ORC3: variants seen among roughly 807,000 people sequenced by gnomAD.
ORC3 encodes homolog of latheo, Drosophila.
In ORC3, 78 loss-of-function variants were observed where a neutral mutation model predicts 100.7. That is an observed-to-expected ratio of 0.77 (90% CI 0.65 to 0.94). The LOEUF (loss-of-function observed/expected upper bound fraction) is 0.94, where lower values mean the gene tolerates loss of function less well. ORC3 is among the 40% of genes least tolerant of loss of function. The probability of loss-of-function intolerance (pLI) is 0.00; values close to 1 mark genes in which losing one functional copy is unlikely to be tolerated. For synonymous variants in ORC3, 295 were observed against 289.3 expected, an observed-to-expected ratio of 1.02 and a Z score of -0.20; for missense variants, 789 against 823.9, an observed-to-expected ratio of 0.96 and a Z score of 0.52.
At chr6:87,626,851 T>C (rs1779937529) in intron 11 of ORC3, among the ~76,000 whole-genome samples, 2 of 151,382 alleles carry the variant, frequency 1.3e-5, no homozygotes, top group African/African-American at 4.9e-5. Context: ...TTAGTGATAA[T>C]CAAAGTTTGT....
At chr6:87,624,430 G>T (rs1779746198) in intron 11 of ORC3, among the ~76,000 whole-genome samples, 1 of 152,150 alleles carries the variant, frequency 6.6e-6, no homozygotes, top group South Asian at 2.1e-4. Context: ...GTTGCAGTGA[G>T]CCAAGATCAT....
chr6:87,596,030 A>G (rs1354612870), intron 2 of ORC3, among the ~76,000 whole-genome samples: 1 of 151,470 alleles, frequency 6.6e-6, no homozygotes, highest in Non-Finnish European at 1.5e-5. Context: ...TTGTAGAGAC[A>G]GGGTCTCACT....
At chr6:87,590,242 T>C in intron 1 of ORC3, 50 bp downstream of exon 1, 2 of 1,588,544 alleles carry the variant, frequency 1.3e-6, no homozygotes, top group Non-Finnish European at 1.7e-6. Flanking sequence ...CTCATTCCCC[T>C]TTGAAGAAGG....
At chr6:87,594,305 T>G in intron 1 of ORC3, 48 bp from the exon 2 acceptor site, 1 of 1,384,650 alleles carries the variant, frequency 7.2e-7, no homozygotes, top group South Asian at 1.3e-5. Context: ...CAGATTTCTC[T>G]GCTCCTTGGC....
chr6:87,602,663 C>G (rs1272818923), intron 3 of ORC3, among the ~76,000 whole-genome samples: 1 of 151,702 alleles, frequency 6.6e-6, no homozygotes, highest in Non-Finnish European at 1.5e-5. Context: ...CAGTTTAGGC[C>G]GTCTTCATTT....
chr6:87,605,175 T>A (rs775122421), intron 4 of ORC3, among the ~76,000 whole-genome samples: 3 of 152,204 alleles, frequency 2.0e-5, no homozygotes, highest in Non-Finnish European at 4.4e-5. Context: ...TTTACTTTTT[T>A]AAAATTTTTA....
intron 17 of ORC3, among the ~76,000 whole-genome samples, chr6:87,663,487 G>T (rs1467946215): frequency 6.6e-6 from 1 of 152,230 alleles, no homozygotes; most frequent in Non-Finnish European, 1.5e-5. Context: ...AGCAGACAGG[G>T]ATTAAACAAT....
Position 87,601,861 on chromosome 6 carries a change from C to T in ORC3, c.157C>T (p.Gln53Ter). The change falls in exon 3 of 20, where the codon CAG (glutamine) becomes TAG (stop). Residue 53 changes from glutamine (Q) to a stop codon, truncating the protein, a stop_gained. Transcript: ENST00000392844. LOFTEE classifies it high-confidence loss of function. ...RFETYQLIWQQMKSENERLQE... is the reference protein window; with the variant it reads ...RFETYQLIWQ ...CGAAACTTATCAGTTGATATGGCAG[C>T]AGATGAAATCTGAAAATGAGGTGAA... 1 of 1,602,236 alleles carries T rather than the reference C, an allele frequency of 6.2e-7. No homozygotes were observed. The highest frequency in any genetic ancestry group is 8.6e-7 in the Non-Finnish European group (1 of 1,169,314).
intron 2 of ORC3, among the ~76,000 whole-genome samples, chr6:87,595,867 T>C (rs1777392918): frequency 6.6e-6 from 1 of 152,192 alleles, no homozygotes; most frequent in Non-Finnish European, 1.5e-5. Context: ...AGGGTCTCAG[T>C]CTGTCACCCA....
At chr6:87,675,540 A>C in the ORC3 span, 6 of 1,602,440 alleles carry the variant, frequency 3.7e-6, no homozygotes, top group South Asian at 5.5e-5. Flanking sequence ...CATAATTGGG[A>C]CCTCTTGCAA....
chr6:87,622,082 T>C, intron 11 of ORC3, 69 bp downstream of exon 11: 1 of 982,326 alleles, frequency 1.0e-6, no homozygotes, highest in Non-Finnish European at 1.6e-6. Flanking sequence ...GCATGTAACA[T>C]TTATTGAGTT....
At position 87,607,732 on chromosome 6, in the gene ORC3, A is replaced by G; in HGVS notation, c.487A>G (p.Lys163Glu). The G allele has an allele frequency of 6.2e-7, 1 of 1,612,182 alleles. No homozygotes were observed. Among genetic ancestry groups the G allele is most frequent in the Non-Finnish European group, 8.5e-7 (1 of 1,178,732 alleles). Residue 163 changes from lysine to glutamate, a missense_variant, in exon 6 of 20, where the codon AAA becomes GAA. By Grantham distance (56) the Lys-to-Glu change is moderately conservative. Transcript: ENST00000392844. ...SQLMDCCVDI[K>E]SKEEESVHVT... ...GTTGATGGACTGCTGTGTAGATATAAAATCCAAAGAGGAGGAAAGTGTTCA... is the reference window on the plus strand; with the variant it reads ...GTTGATGGACTGCTGTGTAGATATAGAATCCAAAGAGGAGGAAAGTGTTCA...
intron 4 of ORC3, among the ~76,000 whole-genome samples, chr6:87,604,806 T>C (rs1778212522): frequency 1.3e-5 from 2 of 152,174 alleles, no homozygotes; most frequent in South Asian, 4.1e-4. Flanking sequence ...TCAATATCCA[T>C]TTAAAAAATA....
At chr6:87,619,812 T>A (rs1476012622) in intron 9 of ORC3, among the ~76,000 whole-genome samples, 1 of 152,182 alleles carries the variant, frequency 6.6e-6, no homozygotes, top group East Asian at 1.9e-4. Context: ...TGACAGCATC[T>A]TTAGACCTCA....
intron 11 of ORC3, among the ~76,000 whole-genome samples, chr6:87,630,299 G>A (rs1767303571): frequency 6.6e-6 from 1 of 152,140 alleles, no homozygotes; most frequent in African/African-American, 2.4e-5. Flanking sequence ...TACTTGGAAG[G>A]CTGAGACAAG....
intron 11 of ORC3, among the ~76,000 whole-genome samples, chr6:87,627,646 TTATAA>T (rs60361880): frequency 0.064 from 9,728 of 152,042 alleles, 391 homozygotes; most frequent in African/African-American, 0.12. Flanking sequence ...TTTTTATGTA[TTATAA>T]TATACAATCT....
At chr6:87,636,369 C>A in intron 12 of ORC3, 38 bp from the exon 13 acceptor site, 1 of 1,281,910 alleles carries the variant, frequency 7.8e-7, no homozygotes, top group Non-Finnish European at 1.1e-6. Flanking sequence ...AGTGTGTATA[C>A]ACTTTTGGTT....
the ORC3 span, chr6:87,675,600 T>C: frequency 1.0e-4 from 167 of 1,614,102 alleles, no homozygotes; most frequent in Middle Eastern, 1.6e-4. Flanking sequence ...ACGTGATTCA[T>C]GAAACATCTA....
Position 87,594,394 on chromosome 6 carries a change from C to G in ORC3, c.66C>G (p.Ile22Met). ...VFKPNSKKRK[I>M]SLPIEDYFNK... ...AGCCAAACTCCAAAAAGAGAAAGAT[C>G]TCTCTGCCAATAGGTAAGGTGTCTG... Residue 22 changes from isoleucine to methionine, a missense_variant, in exon 2 of 20, where the codon ATC (isoleucine) becomes ATG (methionine). Around this residue, in one of 3 missense-constraint regions of ORC3, gnomAD observed 399 missense variants for 382.0 expected, o/e 1.04. Transcript: ENST00000392844. 1.3e-6 allele frequency: 2 copies of G among 1,583,462 alleles called. No individual in the cohort carries two copies. Among genetic ancestry groups the G allele is most frequent in the African/African-American group, 2.7e-5 (2 of 74,712 alleles).
Sources: allele counts gnomAD v4.1 joint callset (sites outside exome capture counted in the v4.1 genomes callset), GRCh38; gene constraint gnomAD v4.1.1; regional missense constraint gnomAD v4.1.1; transcripts MANE v1.5; gene names NCBI Gene and HGNC (gene_info 2026-07-23, HGNC 2026-07-21).